The following ARID5B variants were observed in gnomAD, a reference collection of about 807,000 sequenced individuals.
ARID5B encodes the protein AT-rich interactive domain-containing protein 5B.
Under a neutral mutation model 97.2 loss-of-function variants are expected in ARID5B, and 13 were observed. That is an observed-to-expected ratio of 0.13 (90% CI 0.09 to 0.21). ARID5B has a LOEUF of 0.21. Ranked by LOEUF, ARID5B falls within the 10% of genes least tolerant of loss-of-function variation. ARID5B has a pLI of 1.00. For synonymous variants in ARID5B, 556 were observed against 570.3 expected (o/e 0.97, Z 0.36); for missense variants, 1,210 against 1,465.3 (o/e 0.83, Z 2.84).
At chr10:62,078,754 C>T (rs982023099) in intron 8 of ARID5B, among the ~76,000 whole-genome samples, 6 of 152,270 alleles carry the variant, frequency 3.9e-5, no homozygotes, top group African/African-American at 1.2e-4. Flanking sequence ...AGTCTAGATG[C>T]TCTTACATGT....
intron 4 of ARID5B, among the ~76,000 whole-genome samples, chr10:62,032,521 C>G (rs1839510020): frequency 6.6e-6 from 1 of 151,982 alleles, no homozygotes; most frequent in Non-Finnish European, 1.5e-5. Context: ...TTGAGACCAG[C>G]CTGGCCAACA....
At position 62,040,143 on chromosome 10, in the gene ARID5B, A is replaced by ACTCT. The variant is rs139249443; in HGVS notation, c.734-10736_734-10733dup. Among the ~76,000 whole-genome samples, 7 of 151,510 alleles carry ACTCT rather than the reference A, an allele frequency of 4.6e-5. No individual in the cohort carries two copies. The South Asian group carries it at 1.5e-3, about 32-fold the overall frequency. Reference sequence around the variant, plus strand: ...CCTTCCCCTCTCTCTCTCCATTCTCACTCTCTCTCTCTTTCTGTCTCTTCT... The same window carrying ACTCT: ...CCTTCCCCTCTCTCTCTCCATTCTCACTCTCTCTCTCTCTCTTTCTGTCTCTTCT... On this transcript the variant is annotated intron_variant, in intron 4 of 9. Transcript: ENST00000279873.
chr10:62,023,471 G>A (rs748069257), intron 4 of ARID5B, among the ~76,000 whole-genome samples: 2 of 152,178 alleles, frequency 1.3e-5, no homozygotes, highest in Non-Finnish European at 2.9e-5. Flanking sequence ...CATGTGAGCA[G>A]GTCACTGCCA....
At chr10:61,989,328 C>T (rs564354135) in intron 3 of ARID5B, among the ~76,000 whole-genome samples, 1 of 152,202 alleles carries the variant, frequency 6.6e-6, no homozygotes, top group South Asian at 2.1e-4. Context: ...TTTCTGTTTA[C>T]ATTTTCAATG....
chr10:62,021,656 G>A (rs547386256), intron 4 of ARID5B, among the ~76,000 whole-genome samples: 4 of 152,324 alleles, frequency 2.6e-5, no homozygotes, highest in African/African-American at 9.6e-5. Flanking sequence ...TTTCTGGGGT[G>A]TAATGTGGTC....
At position 61,928,063 on chromosome 10, in the gene ARID5B, T is replaced by C. The variant is rs183477326; in HGVS notation, c.277-12120T>C. On this transcript the variant is annotated intron_variant, in intron 2 of 9. Coordinates refer to ENST00000279873, the MANE Select transcript of ARID5B (RefSeq NM_032199.3). Reference sequence around the variant, plus strand: ...GGTATTTATTCCCTGTTGCTTCCCTTCAGGCTGGTCCCTTCAGGCTGGTGG... The same window carrying C: ...GGTATTTATTCCCTGTTGCTTCCCTCCAGGCTGGTCCCTTCAGGCTGGTGG... 9.2e-5 allele frequency among the ~76,000 whole-genome samples: 14 copies of C among 152,226 alleles called. No homozygotes were observed. In the East Asian group the frequency reaches 2.5e-3, roughly 27 times the overall value.
chr10:61,907,455 T>A (rs1317110212), intron 2 of ARID5B, among the ~76,000 whole-genome samples: 1 of 152,226 alleles, frequency 6.6e-6, no homozygotes, highest in Non-Finnish European at 1.5e-5. Context: ...TGTTTCTTCC[T>A]CTGTAAAATG....
At chr10:61,940,738 G>A (rs1416282591) in intron 3 of ARID5B, among the ~76,000 whole-genome samples, 1 of 151,238 alleles carries the variant, frequency 6.6e-6, no homozygotes, top group African/African-American at 2.4e-5. Context: ...CTATAAGTAT[G>A]TAGTATGACA....
At chr10:62,049,298 T>C in intron 4 of ARID5B, 1 of 1,470,740 alleles carries the variant, frequency 6.8e-7, no homozygotes, top group Non-Finnish European at 9.0e-7. Context: ...TGTGTTTACA[T>C]GAGTAATGGA....
intron 3 of ARID5B, among the ~76,000 whole-genome samples, chr10:61,985,442 A>G (rs1314073144): frequency 6.6e-6 from 1 of 152,008 alleles, no homozygotes; most frequent in Non-Finnish European, 1.5e-5. Flanking sequence ...CAATAGATGG[A>G]AGACCATTTT....
In ARID5B at chr10:62,006,142, T is replaced by C. The variant is rs551121950; in HGVS notation, c.733+5821T>C. Among the ~76,000 whole-genome samples, 56 of 152,274 alleles carry C rather than the reference T, an allele frequency of 3.7e-4. No homozygotes were observed. The South Asian group carries it at 0.01, about 28-fold the overall frequency. ...ATTTTCTAGAGGTTTTGTTTATCAT[T>C]AAAGAATGGTCTAACCAGGCTGGGC... is the stretch of plus-strand genomic sequence containing the variant. On this transcript the variant is annotated intron_variant, in intron 4 of 9. Coordinates refer to ENST00000279873, the MANE Select transcript of ARID5B (RefSeq NM_032199.3).
At chr10:62,008,710 G>A (rs545751152) in intron 4 of ARID5B, among the ~76,000 whole-genome samples, 10 of 152,274 alleles carry the variant, frequency 6.6e-5, no homozygotes, top group South Asian at 6.2e-4. Context: ...TCAGACCTCC[G>A]GTGGCTTCCC....
chr10:61,994,774 G>C (rs966425368), intron 3 of ARID5B, among the ~76,000 whole-genome samples: 1 of 110,840 alleles, frequency 9.0e-6, no homozygotes, highest in South Asian at 3.3e-4. Context: ...CATTGAGAGA[G>C]GTTAACAAAA....
At chr10:62,090,728 CTT>C in intron 9 of ARID5B, 132 bp from the exon 10 acceptor site, 2 of 1,137,602 alleles carry the variant, frequency 1.8e-6, no homozygotes, top group Non-Finnish European at 2.4e-6. Context: ...AGTAATAAAG[CTT>C]TACAGAAACT....
chr10:61,936,022 T>C (rs968588383), intron 2 of ARID5B, among the ~76,000 whole-genome samples: 1 of 152,238 alleles, frequency 6.6e-6, no homozygotes, highest in Non-Finnish European at 1.5e-5. Flanking sequence ...TTAGTAGTTT[T>C]AGGATCATTG....
At position 61,941,308 on chromosome 10, in the gene ARID5B, T is replaced by C. The variant is rs77442257; in HGVS notation, c.502+900T>C. Among the ~76,000 whole-genome samples the C allele has an allele frequency of 3.8e-4, 57 of 151,818 alleles. No individual in the cohort carries two copies. In the East Asian group the frequency reaches 0.01, roughly 28 times the overall value. On this transcript the variant is annotated intron_variant, in intron 3 of 9. Coordinates refer to ENST00000279873, the MANE Select transcript of ARID5B (RefSeq NM_032199.3). ...GTGTCCTTTCATTGCTTTTTTTTTT[T>C]CTTCTGTTTGTATTCCCGTGTCATT...
chr10:61,930,075 G>A (rs1035795693), intron 2 of ARID5B, among the ~76,000 whole-genome samples: 2 of 152,054 alleles, frequency 1.3e-5, no homozygotes, highest in African/African-American at 4.8e-5. Context: ...GGCTTTAGGG[G>A]TGAGCACTGG....
intron 4 of ARID5B, among the ~76,000 whole-genome samples, chr10:62,034,246 T>C (rs78128976): frequency 1.3e-5 from 2 of 152,308 alleles, no homozygotes; most frequent in East Asian, 1.9e-4. Flanking sequence ...CCAGATGAAA[T>C]AGACAATGAA....
chr10:61,909,735 C>G lies in ARID5B; in HGVS notation c.276+7322C>G, dbSNP rs547457798. On this transcript the variant is annotated intron_variant, in intron 2 of 9. Coordinates refer to ENST00000279873, the MANE Select transcript of ARID5B (RefSeq NM_032199.3). ...TTCTTTCTGGCAGATGACCAGTGAC[C>G]AGTCATTCACATGTGGGCCAGATCC... Among the ~76,000 whole-genome samples the G allele has an allele frequency of 1.1e-4, 17 of 152,258 alleles. No homozygotes were observed. In the East Asian group the frequency reaches 3.1e-3, roughly 28 times the overall value.
Sources: gnomAD v4.1 joint callset for allele counts (sites outside exome capture counted in the v4.1 genomes callset) on GRCh38, gnomAD v4.1.1 for gene constraint, MANE v1.5 for transcripts, NCBI Gene and HGNC (gene_info 2026-07-23, HGNC 2026-07-21) for gene names.